CLEC17A: variants seen among roughly 807,000 people sequenced by gnomAD.
CLEC17A encodes the protein C-type lectin domain containing 17A, also known as C-type lectin domain family 17, member A.
A neutral mutation model predicts 61.3 loss-of-function variants in CLEC17A; 37 were observed. The ratio of observed to expected loss-of-function variants is 0.60; its 90% CI spans 0.46 to 0.79. CLEC17A has a LOEUF of 0.79. Ranked by LOEUF, CLEC17A falls within the 30% of genes least tolerant of loss-of-function variation. The pLI is 0.00. For missense variants in CLEC17A, 418 were observed against 464.7 expected (o/e 0.90, Z 0.92); for synonymous variants, 168 against 164.9 (o/e 1.02, Z -0.14).
intron 3 of CLEC17A, among the ~76,000 whole-genome samples, chr19:14,588,004 G>T (rs1311104442): frequency 6.6e-6 from 1 of 152,132 alleles, no homozygotes; most frequent in Non-Finnish European, 1.5e-5. Context: ...CTTAAGAAGA[G>T]AAGTCCAGGA....
At chr19:14,590,996 C>A (rs766550084) in intron 3 of CLEC17A, among the ~76,000 whole-genome samples, 1 of 151,910 alleles carries the variant, frequency 6.6e-6, no homozygotes, top group Non-Finnish European at 1.5e-5. Flanking sequence ...CTGCGCCCAG[C>A]CTATTTCTGC....
In CLEC17A at chr19:14,596,873, C is replaced by T. The variant is rs373053482; in HGVS notation, c.446-3C>T. The T allele has an allele frequency of 4.0e-5, 65 of 1,608,344 alleles. No homozygotes were observed. In the Middle Eastern group the frequency reaches 9.0e-4, roughly 22 times the overall value. On this transcript the variant is annotated splice_polypyrimidine_tract_variant and splice_region_variant and intron_variant, in intron 8 of 13. Coordinates refer to ENST00000417570, the MANE Select transcript of CLEC17A (RefSeq NM_001204118.2). ...TCTCTCTGTTCCCATCCCCACTCCC[C>T]AGCAACTCCAGTCCCCTGGCTCAAT...
At chr19:14,607,405 GT>G (rs942847017) in intron 13 of CLEC17A, among the ~76,000 whole-genome samples, 3 of 151,336 alleles carry the variant, frequency 2.0e-5, no homozygotes, top group South Asian at 2.1e-4. Flanking sequence ...GGGTTTCACC[GT>G]GTTAGCCAGG....
upstream of CLEC17A, among the ~76,000 whole-genome samples, chr19:14,581,673 A>G (rs2074184099): frequency 6.7e-6 from 1 of 149,172 alleles, no homozygotes; most frequent in Non-Finnish European, 1.5e-5. Flanking sequence ...TTTTTTTGAG[A>G]TGGAGTTTCA....
Position 14,611,762 on chromosome 19 carries a change from G to A in CLEC17A, c.*1566G>A, listed in dbSNP as rs2075042354. Among the ~76,000 whole-genome samples the A allele has an allele frequency of 6.6e-6, 1 of 152,258 alleles. No individual in the cohort carries two copies. ...CACGCCTGTAATCCCAGCACTCTGG[G>A]AGACTGAGGTGGGCTGATCACCTGG... On this transcript the variant is annotated 3_prime_UTR_variant, in exon 14 of 14. Transcript: ENST00000417570.
At chr19:14,585,465 C>A (rs1285688596) in intron 2 of CLEC17A, among the ~76,000 whole-genome samples, 2 of 152,132 alleles carry the variant, frequency 1.3e-5, no homozygotes, top group Non-Finnish European at 2.9e-5. Context: ...CATATTCGTG[C>A]CCTTGTGTAG....
intron 13 of CLEC17A, 58 bp from the exon 14 acceptor site, chr19:14,610,006 G>A: frequency 7.8e-7 from 1 of 1,282,254 alleles, no homozygotes; most frequent in Non-Finnish European, 1.1e-6. Flanking sequence ...GTATTATACA[G>A]AAGAGTTTCA....
In CLEC17A at chr19:14,607,079, G is replaced by A; in HGVS notation, c.981G>A (p.Leu327=). The change falls in exon 13 of 14, where the codon CTG becomes CTA. Residue 327 remains leucine (L), a synonymous_variant. Coordinates refer to ENST00000417570, the MANE Select transcript of CLEC17A (RefSeq NM_001204118.2). ...CCCAGGAAGGGGACTGGAGGTGGCT[G>A]GATGGGTCTCCTGTGACATTAAGGC... ...DRAQEGDWRW[L]DGSPVTLSFW... is the part of the protein sequence containing the mutation. 1 of 1,329,190 alleles carries A rather than the reference G, an allele frequency of 7.5e-7. No homozygotes were observed. The highest frequency in any genetic ancestry group is 9.7e-7 in the Non-Finnish European group (1 of 1,032,576). The allele number at this position is 1,329,190 out of a possible 1,614,324, so 82.3% of individuals were successfully genotyped here.
At chr19:14,587,555 G>A in intron 2 of CLEC17A, 59 bp from the exon 3 acceptor site, 1 of 1,506,870 alleles carries the variant, frequency 6.6e-7, no homozygotes, top group African/African-American at 1.4e-5. Context: ...AGAGACCAGG[G>A]CTTGAGGGAT....
At chr19:14,594,927 A>G (rs1017995280) in intron 7 of CLEC17A, 127 bp downstream of exon 7, 2 of 955,468 alleles carry the variant, frequency 2.1e-6, no homozygotes, top group Non-Finnish European at 3.2e-6. Context: ...GCTGGAGTGC[A>G]GTGGTGCGAT....
chr19:14,598,357 TTTTTCC>T (rs1285206430), intron 10 of CLEC17A, among the ~76,000 whole-genome samples: 1 of 151,892 alleles, frequency 6.6e-6, no homozygotes, highest in Admixed American at 6.6e-5. Flanking sequence ...TTTCTTTTTC[TTTTTCC>T]TTCCTTTCTT....
chr19:14,591,081 T>TG (rs1179452280), intron 3 of CLEC17A, among the ~76,000 whole-genome samples: 1 of 152,056 alleles, frequency 6.6e-6, no homozygotes, highest in Non-Finnish European at 1.5e-5. Context: ...ACCCAGGACT[T>TG]GGTGCTCTGT....
In CLEC17A at chr19:14,611,150, A is replaced by C. The variant is rs1200642636; in HGVS notation, c.*954A>C. ...ATCATTGCAAATTACAAACCTAAAAATACAGAACATCAGCGGAGAAGACAG... is the reference window on the plus strand; with the variant it reads ...ATCATTGCAAATTACAAACCTAAAACTACAGAACATCAGCGGAGAAGACAG... On this transcript the variant is annotated 3_prime_UTR_variant, in exon 14 of 14. Transcript: ENST00000417570. The C allele has an allele frequency of 6.6e-6, 1 of 151,960 alleles. No individual in the cohort carries two copies. The highest frequency in any genetic ancestry group is 2.4e-5 in the African/African-American group (1 of 41,378). 9.4% of individuals were successfully genotyped at this position (151,960 alleles called of 1,614,324 possible). A position where few individuals can be genotyped will look rare whatever the true frequency, so the allele number is the denominator to read the frequency against.
Position 14,611,371 on chromosome 19 carries a change from C to CTTTTTTT in CLEC17A, c.*1193_*1199dup, listed in dbSNP as rs71166767. Among the ~76,000 whole-genome samples, 130 of 75,944 alleles carry CTTTTTTT rather than the reference C, an allele frequency of 1.7e-3. 1 individual carries two copies. The highest frequency in any genetic ancestry group is 5.6e-3 in the African/African-American group (116 of 20,576). The allele number at this position is 75,944 out of a possible 152,430, so 49.8% of individuals were successfully genotyped here. A position where few individuals can be genotyped will look rare whatever the true frequency, so the allele number is the denominator to read the frequency against. ...AGACTTGGCCCGTGGAACTTCTATC[C>CTTTTTTT]TTTTTTTTTTTTTTTTTTTTTTTTG... is the stretch of plus-strand genomic sequence containing the variant. On this transcript the variant is annotated 3_prime_UTR_variant, in exon 14 of 14. Coordinates refer to ENST00000417570, the MANE Select transcript of CLEC17A (RefSeq NM_001204118.2).
intron 2 of CLEC17A, among the ~76,000 whole-genome samples, chr19:14,586,381 C>T (rs1032305948): frequency 3.3e-5 from 5 of 152,108 alleles, no homozygotes; most frequent in African/African-American, 1.2e-4. Flanking sequence ...GCCTTGGCCT[C>T]CCAAAGTGCT....
chr19:14,607,940 G>A (rs1368741739), intron 13 of CLEC17A, among the ~76,000 whole-genome samples: 1 of 151,894 alleles, frequency 6.6e-6, no homozygotes, highest in East Asian at 1.9e-4. Context: ...GTGCAATCTC[G>A]GCTCACTGCA....
At chr19:14,593,652 G>A (rs2074474367) in intron 4 of CLEC17A, among the ~76,000 whole-genome samples, 1 of 151,586 alleles carries the variant, frequency 6.6e-6, no homozygotes, top group African/African-American at 2.4e-5. Flanking sequence ...ACAGAGCAAG[G>A]CACTGTCTTT....
intron 10 of CLEC17A, among the ~76,000 whole-genome samples, chr19:14,598,906 A>G (rs912724227): frequency 6.6e-6 from 1 of 151,982 alleles, no homozygotes; most frequent in Admixed American, 6.6e-5. Context: ...GCTGCAGTGA[A>G]CCACGATTGC....
At chr19:14,592,448 GTC>G in intron 4 of CLEC17A, 90 bp downstream of exon 4, 2 of 1,572,442 alleles carry the variant, frequency 1.3e-6, no homozygotes, top group South Asian at 2.3e-5. Flanking sequence ...CACACAGTCA[GTC>G]TCCTCTGTAT....
Sources: gnomAD v4.1 joint callset for allele counts (sites outside exome capture counted in the v4.1 genomes callset) on GRCh38, gnomAD v4.1.1 for gene constraint, MANE v1.5 for transcripts, NCBI Gene and HGNC (gene_info 2026-07-23, HGNC 2026-07-21) for gene names.